The following HCN1 variants were observed in gnomAD, a reference collection of about 807,000 sequenced individuals.
The protein encoded by HCN1 is hyperpolarization activated cyclic nucleotide gated potassium channel 1.
HCN1 carries 13 observed loss-of-function variants against 78.9 expected under a neutral mutation model. The observed-to-expected ratio is 0.16, with a 90% CI of 0.11 to 0.26. The LOEUF (loss-of-function observed/expected upper bound fraction) is 0.26. Among genes scored for constraint, HCN1 ranks in the 10% least tolerant of loss-of-function variants. The pLI, the probability that HCN1 is intolerant of heterozygous loss-of-function variation, is 1.00. For synonymous variants in HCN1, 552 were observed against 455.5 expected, an observed-to-expected ratio of 1.21 and a Z score of -2.70; for missense variants, 810 against 1,154.3, an observed-to-expected ratio of 0.70 and a Z score of 4.32.
At chr5:45,296,647 C>T (rs553608322) in intron 6 of HCN1, among the ~76,000 whole-genome samples, 2 of 151,570 alleles carry the variant, frequency 1.3e-5, no homozygotes, top group Admixed American at 6.6e-5. Context: ...AAAATGAAAA[C>T]AGGAAACAAT....
intron 5 of HCN1, among the ~76,000 whole-genome samples, chr5:45,323,565 AT>A (rs552222410): frequency 3.0e-4 from 46 of 151,814 alleles, no homozygotes; most frequent in South Asian, 1.0e-3. Context: ...CTTTTTTTTC[AT>A]TTTTTATCAT....
chr5:45,646,298 T>A (rs1419771485), intron 1 of HCN1, among the ~76,000 whole-genome samples: 1 of 151,986 alleles, frequency 6.6e-6, no homozygotes. Context: ...GTGTTTTTAT[T>A]ACTACTCTAT....
intron 3 of HCN1, among the ~76,000 whole-genome samples, chr5:45,459,650 T>A (rs1407685789): frequency 6.6e-6 from 1 of 152,168 alleles, no homozygotes; most frequent in Non-Finnish European, 1.5e-5. Context: ...CTTATAATTA[T>A]ACTACCATAT....
intron 2 of HCN1, among the ~76,000 whole-genome samples, chr5:45,615,182 C>A (rs1744918221): frequency 6.6e-6 from 1 of 151,908 alleles, no homozygotes; most frequent in African/African-American, 2.4e-5. Context: ...TCACATAAAA[C>A]AATCACATTT....
At chr5:45,372,161 T>TA (rs1747402004) in intron 4 of HCN1, among the ~76,000 whole-genome samples, 2 of 58,690 alleles carry the variant, frequency 3.4e-5, no homozygotes, top group African/African-American at 2.0e-4. Context: ...TAATATGTTA[T>TA]TATATATAAT....
intron 5 of HCN1, among the ~76,000 whole-genome samples, chr5:45,342,938 A>C (rs1280601613): frequency 6.6e-6 from 1 of 152,232 alleles, no homozygotes; most frequent in East Asian, 1.9e-4. Flanking sequence ...AGAATGGATA[A>C]GTAGCACTCT....
intron 2 of HCN1, among the ~76,000 whole-genome samples, chr5:45,577,887 T>C (rs1045964603): frequency 1.6e-4 from 24 of 152,044 alleles, no homozygotes. Context: ...GATATTAATA[T>C]TAGTAATTTT....
intron 5 of HCN1, among the ~76,000 whole-genome samples, chr5:45,329,848 T>C (rs1746310330): frequency 6.6e-6 from 1 of 151,388 alleles, no homozygotes. Context: ...TAGAAGGTTC[T>C]TATACACAAA....
intron 2 of HCN1, among the ~76,000 whole-genome samples, chr5:45,514,422 A>G (rs1742480336): frequency 6.6e-6 from 1 of 152,138 alleles, no homozygotes; most frequent in Non-Finnish European, 1.5e-5. Context: ...AGACAATCTT[A>G]TTAAAATACT....
At chr5:45,274,120 G>T (rs1745008728) in intron 6 of HCN1, among the ~76,000 whole-genome samples, 1 of 151,984 alleles carries the variant, frequency 6.6e-6, no homozygotes, top group African/African-American at 2.4e-5. Context: ...TATAAAGAAG[G>T]TATTATTCAT....
chr5:45,589,466 T>C (rs999625928), intron 2 of HCN1, among the ~76,000 whole-genome samples: 3 of 152,172 alleles, frequency 2.0e-5, no homozygotes, highest in African/African-American at 7.2e-5. Flanking sequence ...CAAGTAAAGG[T>C]CATAGCCCAT....
intron 2 of HCN1, among the ~76,000 whole-genome samples, chr5:45,499,794 T>C (rs1742151312): frequency 6.6e-6 from 1 of 152,200 alleles, no homozygotes; most frequent in Non-Finnish European, 1.5e-5. Context: ...TTCCACATTC[T>C]ATTCATAGTA....
At chr5:45,457,213 T>C (rs1356638706) in intron 3 of HCN1, among the ~76,000 whole-genome samples, 2 of 152,098 alleles carry the variant, frequency 1.3e-5, no homozygotes, top group East Asian at 3.9e-4. Context: ...CATCCGATAT[T>C]TGAGATTCAG....
Position 45,652,745 on chromosome 5 carries a change from T to G in HCN1, c.426-7137A>C, listed in dbSNP as rs573932312. 2.7e-4 allele frequency among the ~76,000 whole-genome samples: 41 copies of G among 152,168 alleles called. 1 individual carries two copies. The highest frequency in any genetic ancestry group is 5.9e-4 in the Non-Finnish European group (40 of 67,956). The stretch of plus-strand genomic sequence containing the variant: ...ATAATTCACCTGATATTTTTATTTC[T>G]GTTTATTATAGCATAGCTTTTTTTC... On this transcript the variant is annotated intron_variant, in intron 1 of 7. Transcript: ENST00000303230.
intron 2 of HCN1, among the ~76,000 whole-genome samples, chr5:45,533,187 C>G (rs1044432318): frequency 2.0e-5 from 3 of 152,112 alleles, no homozygotes; most frequent in African/African-American, 7.2e-5. Flanking sequence ...TTCTGAAAAG[C>G]TTTTTACTTT....
intron 5 of HCN1, among the ~76,000 whole-genome samples, chr5:45,349,443 C>G (rs759883089): frequency 1.3e-5 from 2 of 152,068 alleles, no homozygotes; most frequent in African/African-American, 4.8e-5. Flanking sequence ...ATTTGACACC[C>G]TAACATCACA....
Position 45,551,117 on chromosome 5 carries a change from C to T in HCN1, c.850-89110G>A, listed in dbSNP as rs2625495. Among the ~76,000 whole-genome samples, 1,100 of 152,008 alleles carry T rather than the reference C, an allele frequency of 7.2e-3. 11 individuals carry two copies. The highest frequency in any genetic ancestry group is 0.025 in the African/African-American group (1,053 of 41,482). ...ATGCATATTAGCATTTTATAATAATCCATTATATCTATCTACTTCGCTGGC... is the reference window on the plus strand; with the variant it reads ...ATGCATATTAGCATTTTATAATAATTCATTATATCTATCTACTTCGCTGGC... On this transcript the variant is annotated intron_variant, in intron 2 of 7. Coordinates refer to ENST00000303230, the MANE Select transcript of HCN1 (RefSeq NM_021072.4).
chr5:45,365,433 G>A (rs973466542), intron 4 of HCN1, among the ~76,000 whole-genome samples: 5 of 151,902 alleles, frequency 3.3e-5, no homozygotes, highest in African/African-American at 1.2e-4. Flanking sequence ...ATTTATAAGT[G>A]AGAACATATG....
chr5:45,535,553 G>A lies in HCN1; in HGVS notation c.850-73546C>T, dbSNP rs112427609. On this transcript the variant is annotated intron_variant, in intron 2 of 7. Transcript: ENST00000303230. The stretch of plus-strand genomic sequence containing the variant: ...GTGGAGGTTGCAGTGAGTTGAGATT[G>A]TGCCACTGCCCTCCAGCCTAGGGAA... Among the ~76,000 whole-genome samples, 1,304 of 152,030 alleles carry A rather than the reference G, an allele frequency of 8.6e-3. 26 individuals are homozygous for A. Among genetic ancestry groups the A allele is most frequent in the African/African-American group, 0.031 (1,277 of 41,438 alleles).
Sources: allele counts gnomAD v4.1 joint callset (sites outside exome capture counted in the v4.1 genomes callset), GRCh38; gene constraint gnomAD v4.1.1; transcripts MANE v1.5; gene names NCBI Gene and HGNC (gene_info 2026-07-23, HGNC 2026-07-21).